Variants in STARD8 observed in about 807,000 individuals in gnomAD.
STARD8 encodes the protein stAR-related lipid transfer protein 8.
A neutral mutation model predicts 69.4 loss-of-function variants in STARD8; 25 were observed. The ratio of observed to expected loss-of-function variants is 0.36; its 90% CI spans 0.26 to 0.50. The LOEUF (loss-of-function observed/expected upper bound fraction) is 0.50. Among genes scored for constraint, STARD8 ranks in the 20% least tolerant of loss-of-function variants. The pLI, the probability that STARD8 is intolerant of heterozygous loss-of-function variation, is 0.96. For missense variants in STARD8, 921 were observed against 932.5 expected (o/e 0.99, Z 0.16); for synonymous variants, 389 against 374.6 (o/e 1.04, Z -0.45).
chrX:68,717,426 A>T lies in STARD8; in HGVS notation c.512A>T (p.Asp171Val). 8.3e-7 allele frequency: 1 copy of T among 1,209,897 alleles called. No individual in the cohort carries two copies. The highest frequency in any genetic ancestry group is 1.8e-5 in the South Asian group (1 of 56,795). The change falls in exon 6 of 15, where the codon GAC becomes GTC. Residue 171 changes from aspartate (D) to valine (V), a missense_variant. Physicochemically the swap from Asp to Val is radical, Grantham distance 152. Coordinates refer to ENST00000374599, the MANE Select transcript of STARD8 (RefSeq NM_001142503.3). ...ITVSLPPEPA[D>V]LPLPGRAPSS... ...GTGAGCCTACCACCCGAGCCAGCAG[A>T]CTTGCCCTTGCCAGGCCGTGCCCCC... is the stretch of plus-strand genomic sequence containing the variant.
chrX:68,723,628 A>G lies in STARD8; in HGVS notation c.2802A>G (p.Ala934=). 8.4e-7 allele frequency: 1 copy of G among 1,188,253 alleles called. No individual in the cohort carries two copies. Among genetic ancestry groups the G allele is most frequent in the Non-Finnish European group, 1.1e-6 (1 of 884,121 alleles). Residue 934 remains alanine, a splice_region_variant and synonymous_variant, in exon 13 of 15, where the codon GCA becomes GCG. Transcript: ENST00000374599. ...PQHTELACRK[A]PDGHPLRLWK... ...ATCCCCACTCCTGTGGCTCACAGGCACCGGATGGGCACCCCCTGCGGCTAT... is the reference window on the plus strand; with the variant it reads ...ATCCCCACTCCTGTGGCTCACAGGCGCCGGATGGGCACCCCCTGCGGCTAT...
chrX:68,675,800 C>T (rs1014302598), intron 2 of STARD8, among the ~76,000 whole-genome samples: 4 of 111,561 alleles, frequency 3.6e-5, no homozygotes, highest in Non-Finnish European at 5.7e-5. Context: ...TCTCCAAAGA[C>T]CAGATGTGCT....
intron 3 of STARD8, 75 bp downstream of exon 3, chrX:68,713,060 C>G: frequency 9.8e-7 from 1 of 1,023,547 alleles, no homozygotes; most frequent in Non-Finnish European, 1.3e-6. Context: ...TGGGGCAAGT[C>G]AGATTCTCTT....
At chrX:68,702,267 G>A (rs1340460070) in intron 2 of STARD8, among the ~76,000 whole-genome samples, 1 of 112,147 alleles carries the variant, frequency 8.9e-6, no homozygotes, top group Admixed American at 9.4e-5. Flanking sequence ...ACAGTCCATG[G>A]GGAGTGGATT....
chrX:68,653,475 A>C (rs1602536922), intron 1 of STARD8, among the ~76,000 whole-genome samples: 4 of 20,642 alleles, frequency 1.9e-4, no homozygotes, highest in East Asian at 1.4e-3. Flanking sequence ...CCCACACCCC[A>C]CACACACACC....
At position 68,668,057 on chromosome X, in the gene STARD8, T is replaced by TTTTCTTTCTTTCTTTCTTTC. The variant is rs1200805148; in HGVS notation, c.79+2563_79+2582dup. Among the ~76,000 whole-genome samples, 75 of 71,583 alleles carry TTTTCTTTCTTTCTTTCTTTC rather than the reference T, an allele frequency of 1.0e-3. 1 individual carries two copies. The highest frequency in any genetic ancestry group is 7.7e-3 in the Middle Eastern group (1 of 130). The allele number at this position is 71,583 out of a possible 115,157, so 62.2% of individuals were successfully genotyped here. ...TAATTTCCCTCTTTCTCTCTCTTTC[T>TTTTCTTTCTTTCTTTCTTTC]TTTCTTTCTTTCTTTCTTTCTTTCT... is the stretch of plus-strand genomic sequence containing the variant. On this transcript the variant is annotated intron_variant, in intron 2 of 14. Transcript: ENST00000374599.
chrX:68,714,944 G>A (rs2080079592), intron 3 of STARD8, among the ~76,000 whole-genome samples: 1 of 111,430 alleles, frequency 9.0e-6, no homozygotes, highest in Non-Finnish European at 1.9e-5. Flanking sequence ...AGTTCACCTT[G>A]GGCCAAGGAG....
intron 2 of STARD8, among the ~76,000 whole-genome samples, chrX:68,668,098 TTTCTTTCTTTC>T (rs1420164926): frequency 1.0e-5 from 1 of 99,677 alleles, no homozygotes; most frequent in Non-Finnish European, 2.0e-5. Context: ...TCTTTCTTTC[TTTCTTTCTTTC>T]TTTCTGTCTT....
rs560132115 is a variant in STARD8, at chrX:68,683,955, C to A, written c.79+18423C>A. ...GCCACTTATGAGCAATTTGGATTACCTTTGCTGCTTCTGAGTTTCTCCAAC... is the reference window on the plus strand; with the variant it reads ...GCCACTTATGAGCAATTTGGATTACATTTGCTGCTTCTGAGTTTCTCCAAC... On this transcript the variant is annotated intron_variant, in intron 2 of 14. Coordinates refer to ENST00000374599, the MANE Select transcript of STARD8 (RefSeq NM_001142503.3). Among the ~76,000 whole-genome samples, 4 of 112,263 alleles carry A rather than the reference C, an allele frequency of 3.6e-5. No homozygotes were observed. The South Asian group carries it at 1.5e-3, about 41-fold the overall frequency.
At position 68,721,526 on chromosome X, in the gene STARD8, T is replaced by A. The variant is rs765171133; in HGVS notation, c.2249-10T>A. The A allele has an allele frequency of 7.4e-6, 9 of 1,209,341 alleles. No homozygotes were observed. Among genetic ancestry groups the A allele is most frequent in the Non-Finnish European group, 6.7e-6 (6 of 894,193 alleles). ...GTAAGGAAGGCTCTTCTTCCATTGCTTCCTCACAGTCCTCCCCAAGGATCA... is the reference window on the plus strand; with the variant it reads ...GTAAGGAAGGCTCTTCTTCCATTGCATCCTCACAGTCCTCCCCAAGGATCA... On this transcript the variant is annotated splice_polypyrimidine_tract_variant and intron_variant, in intron 9 of 14. Transcript: ENST00000374599.
intron 2 of STARD8, among the ~76,000 whole-genome samples, chrX:68,670,339 C>G (rs1471141198): frequency 9.0e-6 from 1 of 111,519 alleles, no homozygotes; most frequent in African/African-American, 3.3e-5. Context: ...CCCCTCTCCT[C>G]CAGAAGTCAG....
chrX:68,724,319 A>G lies in STARD8; in HGVS notation c.3209A>G (p.Asp1070Gly). 1 of 1,210,157 alleles carries G rather than the reference A, an allele frequency of 8.3e-7. No individual in the cohort carries two copies. The highest frequency in any genetic ancestry group is 1.1e-6 in the Non-Finnish European group (1 of 894,649). ...CRADLRGRSP[D>G]WYNKVFGHLC... ...TGCTTCCCTAGGGGCCGTTCTCCTG[A>G]CTGGTACAACAAAGTCTTTGGACAC... Residue 1070 changes from aspartate (D) to glycine (G), a missense_variant, in exon 15 of 15, where the codon GAC becomes GGC. Asp to Gly is a moderately conservative substitution (Grantham distance 94). Coordinates refer to ENST00000374599, the MANE Select transcript of STARD8 (RefSeq NM_001142503.3).
At chrX:68,677,520 G>A (rs1161613911) in intron 2 of STARD8, among the ~76,000 whole-genome samples, 1 of 111,440 alleles carries the variant, frequency 9.0e-6, no homozygotes, top group East Asian at 2.8e-4. Context: ...GTGATGCCGG[G>A]GGTATGGAAC....
chrX:68,719,268 C>T lies in STARD8; in HGVS notation c.1759C>T (p.Leu587Phe), dbSNP rs2080125887. Residue 587 changes from leucine (L) to phenylalanine (F), a missense_variant, in exon 7 of 15, where the codon CTC (leucine) becomes TTC (phenylalanine). Transcript: ENST00000374599. Reference sequence around the variant, plus strand: ...CTTCCAGAACTCCCATCGTCCCAGCCTCAACTCAGAGTCGCTGGAGATCAA... The same window carrying T: ...CTTCCAGAACTCCCATCGTCCCAGCTTCAACTCAGAGTCGCTGGAGATCAA... ...HSFQNSHRPS[L>F]NSESLEINRQ... 3 of 1,205,347 alleles carry T rather than the reference C, an allele frequency of 2.5e-6. No homozygotes were observed. Among genetic ancestry groups the T allele is most frequent in the Non-Finnish European group, 2.2e-6 (2 of 892,158 alleles).
At chrX:68,708,720 C>T (rs2080027313) in intron 2 of STARD8, among the ~76,000 whole-genome samples, 1 of 112,476 alleles carries the variant, frequency 8.9e-6, no homozygotes, top group Non-Finnish European at 1.9e-5. Context: ...TATCCTGGCA[C>T]ATCACCTAAG....
intron 2 of STARD8, among the ~76,000 whole-genome samples, chrX:68,690,195 A>C (rs1400845121): frequency 1.8e-5 from 2 of 110,076 alleles, no homozygotes; most frequent in Non-Finnish European, 3.8e-5. Context: ...ACCGGTACTC[A>C]TGTACTTGGT....
chrX:68,718,734 C>A, intron 6 of STARD8, 105 bp downstream of exon 6: 7 of 1,093,439 alleles, frequency 6.4e-6, no homozygotes, highest in Non-Finnish European at 8.3e-6. Context: ...TGCTTGGCGG[C>A]TGCGTTATCC....
chrX:68,711,804 GGC>G (rs1308763004), intron 2 of STARD8, among the ~76,000 whole-genome samples: 3 of 112,366 alleles, frequency 2.7e-5, no homozygotes, highest in Non-Finnish European at 5.6e-5. Context: ...AGGGGGGCCA[GGC>G]GAGACTGTGG....
At chrX:68,721,468 A>G in intron 9 of STARD8, 68 bp from the exon 10 acceptor site, 1 of 1,133,664 alleles carries the variant, frequency 8.8e-7, no homozygotes, top group Non-Finnish European at 1.2e-6. Flanking sequence ...CCCCCTTGGA[A>G]ACAGGAGGCT....
Sources: gnomAD v4.1 joint callset for allele counts (sites outside exome capture counted in the v4.1 genomes callset) on GRCh38, gnomAD v4.1.1 for gene constraint, MANE v1.5 for transcripts, NCBI Gene and HGNC (gene_info 2026-07-23, HGNC 2026-07-21) for gene names.